The following PRH1 variants were observed in gnomAD, a reference collection of about 807,000 sequenced individuals.
The protein encoded by PRH1 is salivary acidic proline-rich phosphoprotein 1/2.
Under a neutral mutation model 7.9 loss-of-function variants are expected in PRH1, and 7 were observed. That is an observed-to-expected ratio of 0.89 (90% CI 0.50 to 1.67). The LOEUF (loss-of-function observed/expected upper bound fraction) is 1.67. Ranked by LOEUF, PRH1 falls within the 40% of genes most tolerant of loss-of-function variation. PRH1 has a pLI of 0.00. For synonymous variants in PRH1, 45 were observed against 80.8 expected (o/e 0.56, Z 2.38); for missense variants, 109 against 223.6 (o/e 0.49, Z 3.27).
At chr12:10,891,198 C>T (rs1335550383) in intron 2 of PRH1, among the ~76,000 whole-genome samples, 3 of 152,144 alleles carry the variant, frequency 2.0e-5, no homozygotes, top group African/African-American at 7.2e-5. Context: ...ATGCAAGACA[C>T]ATTTACTTTC....
chr12:11,133,077 A>T (rs1162871601), intron 1 of PRH1: 9 of 592,892 alleles, frequency 1.5e-5, no homozygotes, highest in Non-Finnish European at 2.0e-5. Context: ...TTTGTGAAAA[A>T]ACAATAAAAA....
chr12:10,931,169 A>T, intron 2 of PRH1: 1 of 1,567,298 alleles, frequency 6.4e-7, no homozygotes, highest in South Asian at 1.2e-5. Flanking sequence ...AAAAGCTGTT[A>T]ATATTTCCGT....
At chr12:11,162,941 G>A (rs141228509) in intron 1 of PRH1, among the ~76,000 whole-genome samples, 13 of 152,264 alleles carry the variant, frequency 8.5e-5, no homozygotes, top group Non-Finnish European at 1.8e-4. Context: ...CTATTCAGCT[G>A]TAAAAAGAAA....
chr12:11,017,631 T>C (rs1304640667), intron 1 of PRH1, among the ~76,000 whole-genome samples: 6 of 152,068 alleles, frequency 3.9e-5, no homozygotes, highest in Non-Finnish European at 8.8e-5. Flanking sequence ...TTTACGGGCA[T>C]TGGCCACCAT....
At chr12:11,144,229 T>C (rs1312350601) in intron 1 of PRH1, among the ~76,000 whole-genome samples, 2 of 133,772 alleles carry the variant, frequency 1.5e-5, no homozygotes, top group Non-Finnish European at 3.4e-5. Flanking sequence ...GCTAGGCATG[T>C]CTGAGCTCAG....
At chr12:11,032,478 C>T (rs1035844675) in intron 1 of PRH1, among the ~76,000 whole-genome samples, 2 of 152,158 alleles carry the variant, frequency 1.3e-5, no homozygotes, top group African/African-American at 4.8e-5. Context: ...TCATTATTCA[C>T]AAACTCATAA....
intron 1 of PRH1, among the ~76,000 whole-genome samples, chr12:11,110,338 G>C (rs562379761): frequency 6.6e-5 from 10 of 152,236 alleles, no homozygotes; most frequent in Non-Finnish European, 1.5e-4. Context: ...GATACTCCTT[G>C]AGAAGAGCAC....
chr12:10,959,575 C>A (rs944970428), intron 2 of PRH1, among the ~76,000 whole-genome samples: 3 of 152,076 alleles, frequency 2.0e-5, no homozygotes, highest in Non-Finnish European at 4.4e-5. Context: ...GATACTGAGA[C>A]ATTGTACAAA....
At chr12:11,107,001 C>T (rs1239743433) in intron 1 of PRH1, among the ~76,000 whole-genome samples, 2 of 151,942 alleles carry the variant, frequency 1.3e-5, no homozygotes, top group Non-Finnish European at 2.9e-5. Context: ...ACCAGTGAGA[C>T]CTTCTTTTTT....
At chr12:11,169,407 T>C (rs1008057787) in intron 1 of PRH1, among the ~76,000 whole-genome samples, 1 of 152,202 alleles carries the variant, frequency 6.6e-6, no homozygotes, top group East Asian at 1.9e-4. Context: ...TTTGGAGCTT[T>C]GTGACTGTTC....
chr12:11,133,542 GA>G (rs1443541123), intron 1 of PRH1: 2,353 of 1,493,510 alleles, frequency 1.6e-3, no homozygotes, highest in African/African-American at 7.6e-3. Flanking sequence ...CATAACAGAA[GA>G]AAGGAGGTCA....
intron 1 of PRH1, chr12:11,132,877 C>T: frequency 6.2e-6 from 1 of 160,882 alleles, no homozygotes; most frequent in African/African-American, 2.4e-5. Context: ...AGATTGTAAG[C>T]ACACTGTGGT....
chr12:11,133,641 G>A (rs1461949716), intron 1 of PRH1: 4 of 1,614,272 alleles, frequency 2.5e-6, no homozygotes, highest in Non-Finnish European at 1.7e-6. Flanking sequence ...TGTTTACACA[G>A]AGAACAGATT....
intron 2 of PRH1, among the ~76,000 whole-genome samples, chr12:10,916,714 G>GA (rs1338450839): frequency 6.6e-6 from 1 of 151,622 alleles, no homozygotes; most frequent in African/African-American, 2.4e-5. Flanking sequence ...ATAAATACCT[G>GA]AAAAAAAGTG....
intron 2 of PRH1, among the ~76,000 whole-genome samples, chr12:10,933,411 G>A (rs1950241404): frequency 6.6e-6 from 1 of 151,858 alleles, no homozygotes; most frequent in Non-Finnish European, 1.5e-5. Flanking sequence ...CTGAAAAGAA[G>A]AGAAATACCC....
chr12:11,133,936 G>C lies in PRH1; in HGVS notation n.40-12756C>G, dbSNP rs1946464893. The C allele has an allele frequency of 1.9e-6, 3 of 1,614,008 alleles. No individual in the cohort carries two copies. The Admixed American group carries it at 5.0e-5, about 27-fold the overall frequency. ...TGGCAATCCTGAGCAAATAAAACAT[G>C]CTGAGGCTAGTAGCAAGCCAGCTGC... On this transcript the variant is annotated intron_variant and non_coding_transcript_variant, in intron 1 of 1. Coordinates refer to the PRH1 transcript ENST00000541175.
intron 2 of PRH1, among the ~76,000 whole-genome samples, chr12:10,916,312 G>A (rs1949971868): frequency 6.6e-6 from 1 of 152,122 alleles, no homozygotes; most frequent in South Asian, 2.1e-4. Flanking sequence ...ATGAGATTTG[G>A]ATGGGGACAC....
At chr12:11,132,679 G>A (rs550450223) in intron 1 of PRH1, among the ~76,000 whole-genome samples, 3 of 152,248 alleles carry the variant, frequency 2.0e-5, no homozygotes, top group South Asian at 4.1e-4. Context: ...ACACATACAT[G>A]AAATTTACTA....
intron 2 of PRH1, among the ~76,000 whole-genome samples, chr12:10,907,682 C>A (rs1446966159): frequency 2.6e-5 from 4 of 151,082 alleles, no homozygotes; most frequent in Non-Finnish European, 3.0e-5. Flanking sequence ...AGGGCACTGA[C>A]ATTGTGGTCA....
Sources: gnomAD v4.1 joint callset for allele counts (sites outside exome capture counted in the v4.1 genomes callset) on GRCh38, gnomAD v4.1.1 for gene constraint, MANE v1.5 for transcripts, NCBI Gene and HGNC (gene_info 2026-07-23, HGNC 2026-07-21) for gene names.